The following ADAMTS3 variants were observed in gnomAD, a reference collection of about 807,000 sequenced individuals.
The protein encoded by ADAMTS3 is ADAM metallopeptidase with thrombospondin type 1 motif 3.
ADAMTS3 carries 73 observed loss-of-function variants against 129.0 expected under a neutral mutation model. The observed-to-expected ratio is 0.57, with a 90% CI of 0.47 to 0.69. The LOEUF is 0.69. Ranked by LOEUF, ADAMTS3 falls within the 30% of genes least tolerant of loss-of-function variation. The probability of loss-of-function intolerance (pLI) is 0.00; values close to 1 mark genes in which losing one functional copy is unlikely to be tolerated. For missense variants in ADAMTS3, 1,457 were observed against 1,514.5 expected, an observed-to-expected ratio of 0.96 and a Z score of 0.63; for synonymous variants, 477 against 510.8, an observed-to-expected ratio of 0.93 and a Z score of 0.89.
chr4:72,319,770 T>C, intron 8 of ADAMTS3, 88 bp downstream of exon 8: 1 of 1,083,454 alleles, frequency 9.2e-7, no homozygotes, highest in Non-Finnish European at 1.4e-6. Flanking sequence ...TATGCTGGCA[T>C]GCATTCTGCC....
At chr4:72,518,242 G>C (rs1167290807) in intron 3 of ADAMTS3, among the ~76,000 whole-genome samples, 12 of 152,090 alleles carry the variant, frequency 7.9e-5, no homozygotes, top group Non-Finnish European at 1.6e-4. Flanking sequence ...TTGCTGAGGA[G>C]ACCTTTACTT....
intron 3 of ADAMTS3, among the ~76,000 whole-genome samples, chr4:72,450,784 T>G (rs1718376619): frequency 6.6e-6 from 1 of 151,594 alleles, no homozygotes; most frequent in South Asian, 2.1e-4. Flanking sequence ...ACACCTGTCT[T>G]GCTAGAAAGG....
At position 72,305,775 on chromosome 4, in the gene ADAMTS3, A is replaced by ATATACG. The variant is rs1394943380; in HGVS notation, c.2260+211_2260+212insCGTATA. On this transcript the variant is annotated intron_variant, in intron 16 of 21. Transcript: ENST00000286657. The stretch of plus-strand genomic sequence containing the variant: ...CATATGCACATGTACACACATATAC[A>ATATACG]CATGCACATGTACGCACATATACGC... Among the ~76,000 whole-genome samples the ATATACG allele has an allele frequency of 2.7e-4, 41 of 151,880 alleles. 1 individual carries two copies. The East Asian group carries it at 7.7e-3, about 29-fold the overall frequency.
intron 3 of ADAMTS3, among the ~76,000 whole-genome samples, chr4:72,504,463 C>T (rs1720105514): frequency 6.6e-6 from 1 of 152,058 alleles, no homozygotes; most frequent in African/African-American, 2.4e-5. Context: ...TCCTTTTGTA[C>T]ATGATCTGAC....
chr4:72,352,584 G>A lies in ADAMTS3; in HGVS notation c.662-12891C>T, dbSNP rs529203583. Among the ~76,000 whole-genome samples, 6 of 151,956 alleles carry A rather than the reference G, an allele frequency of 3.9e-5. 1 individual carries two copies. The South Asian group carries it at 1.0e-3, about 26-fold the overall frequency. ...AACAAACGTGAATAAGCTGAATTCC[G>A]GTCATCAAGGCGGTCACAGCTTAAT... On this transcript the variant is annotated intron_variant, in intron 4 of 21. Coordinates refer to ENST00000286657, the MANE Select transcript of ADAMTS3 (RefSeq NM_014243.3).
chr4:72,471,364 T>C (rs935488635), intron 3 of ADAMTS3, among the ~76,000 whole-genome samples: 20 of 152,112 alleles, frequency 1.3e-4, no homozygotes, highest in Non-Finnish European at 1.5e-4. Context: ...GACCAATGCA[T>C]AAAATTACAA....
At chr4:72,547,452 C>T (rs1470094190) in intron 3 of ADAMTS3, among the ~76,000 whole-genome samples, 1 of 152,172 alleles carries the variant, frequency 6.6e-6, no homozygotes, top group African/African-American at 2.4e-5. Context: ...ATACGTCACT[C>T]AAGGCATTCT....
Position 72,318,652 on chromosome 4 carries a change from G to C in ADAMTS3, c.1405C>G (p.Pro469Ala). The change falls in exon 10 of 22, where the codon CCA becomes GCA. Residue 469 changes from proline to alanine, a missense_variant. Transcript: ENST00000286657. ...DPFDHDWPKL[P>A]ELPGINYSMD... Reference sequence around the variant, plus strand: ...GAATAATTGATTCCAGGAAGTTCTGGGAGTTTAGGCCAATCATGATCAAAA... The same window carrying C: ...GAATAATTGATTCCAGGAAGTTCTGCGAGTTTAGGCCAATCATGATCAAAA... The C allele has an allele frequency of 6.2e-7, 1 of 1,613,708 alleles. No homozygotes were observed. The highest frequency in any genetic ancestry group is 8.5e-7 in the Non-Finnish European group (1 of 1,179,860).
intron 3 of ADAMTS3, among the ~76,000 whole-genome samples, chr4:72,464,049 C>T (rs745651672): frequency 2.0e-5 from 3 of 151,964 alleles, no homozygotes; most frequent in Non-Finnish European, 2.9e-5. Flanking sequence ...AAAGGTGCTA[C>T]TCCATCTAAA....
intron 4 of ADAMTS3, among the ~76,000 whole-genome samples, chr4:72,344,185 C>T (rs574458791): frequency 7.4e-4 from 113 of 152,158 alleles, no homozygotes; most frequent in African/African-American, 2.5e-3. Flanking sequence ...TTTGAACTTA[C>T]TAAACAGATA....
At chr4:72,563,908 A>C (rs1031360150) in intron 2 of ADAMTS3, among the ~76,000 whole-genome samples, 2 of 152,206 alleles carry the variant, frequency 1.3e-5, no homozygotes, top group African/African-American at 2.4e-5. Flanking sequence ...CTTTGCTCTC[A>C]TGAGGGTTAA....
At chr4:72,479,106 T>C (rs1428406419) in intron 3 of ADAMTS3, among the ~76,000 whole-genome samples, 1 of 152,172 alleles carries the variant, frequency 6.6e-6, no homozygotes, top group Non-Finnish European at 1.5e-5. Flanking sequence ...ATCCTGAGAA[T>C]GGCCATACTG....
chr4:72,428,472 A>G (rs1283137690), intron 3 of ADAMTS3, among the ~76,000 whole-genome samples: 1 of 152,076 alleles, frequency 6.6e-6, no homozygotes. Context: ...GGATGGCTAA[A>G]GCCATAGTAG....
At chr4:72,288,155 C>T (rs1718560497) in intron 21 of ADAMTS3, among the ~76,000 whole-genome samples, 2 of 152,102 alleles carry the variant, frequency 1.3e-5, no homozygotes, top group Non-Finnish European at 2.9e-5. Context: ...CATGAGCCAC[C>T]GCACCTGGCC....
intron 3 of ADAMTS3, among the ~76,000 whole-genome samples, chr4:72,531,915 A>C (rs1721053901): frequency 6.6e-6 from 1 of 152,152 alleles, no homozygotes; most frequent in Non-Finnish European, 1.5e-5. Context: ...TACAAAGAAC[A>C]CATAGCTTCC....
chr4:72,530,434 A>T (rs1287909307), intron 3 of ADAMTS3, among the ~76,000 whole-genome samples: 3 of 83,892 alleles, frequency 3.6e-5, no homozygotes, highest in African/African-American at 1.5e-4. Flanking sequence ...AAATTAATAT[A>T]TGTTAATTTA....
rs527301273 is a variant in ADAMTS3 at position 72,373,530 on chromosome 4, G to C, written c.662-33837C>G. 4.2e-4 allele frequency among the ~76,000 whole-genome samples: 64 copies of C among 152,144 alleles called. 1 individual carries two copies. The highest frequency in any genetic ancestry group is 1.5e-3 in the African/African-American group (63 of 41,518). On this transcript the variant is annotated intron_variant, in intron 4 of 21. Transcript: ENST00000286657. ...GATTGAAAAAGAAACAGACACAAAAGATCACATACTACATGAATTCATTTA... is the reference window on the plus strand; with the variant it reads ...GATTGAAAAAGAAACAGACACAAAACATCACATACTACATGAATTCATTTA...
chr4:72,525,642 T>C (rs1287097233), intron 3 of ADAMTS3, among the ~76,000 whole-genome samples: 1 of 152,178 alleles, frequency 6.6e-6, no homozygotes, highest in Non-Finnish European at 1.5e-5. Context: ...TTTGTTTCTC[T>C]CCTCCTAATG....
At chr4:72,366,355 C>A (rs868671077) in intron 4 of ADAMTS3, among the ~76,000 whole-genome samples, 2 of 152,128 alleles carry the variant, frequency 1.3e-5, no homozygotes, top group Non-Finnish European at 2.9e-5. Flanking sequence ...TATTGTATTA[C>A]GGTAGAAGAC....
Sources: gnomAD v4.1 joint callset for allele counts (sites outside exome capture counted in the v4.1 genomes callset) on GRCh38, gnomAD v4.1.1 for gene constraint, MANE v1.5 for transcripts, NCBI Gene and HGNC (gene_info 2026-07-23, HGNC 2026-07-21) for gene names.